Variants in ASF1A observed in about 807,000 individuals in gnomAD.
ASF1A encodes anti-silencing function 1A histone chaperone.
A neutral mutation model predicts 22.0 loss-of-function variants in ASF1A; 5 were observed. The ratio of observed to expected loss-of-function variants is 0.23; its 90% CI spans 0.12 to 0.48. The LOEUF (loss-of-function observed/expected upper bound fraction) is 0.48. Ranked by LOEUF, ASF1A falls within the 20% of genes least tolerant of loss-of-function variation. The pLI, the probability that ASF1A is intolerant of heterozygous loss-of-function variation, is 0.99. For synonymous variants in ASF1A, 97 were observed against 86.7 expected (o/e 1.12, Z -0.66); for missense variants, 137 against 240.6 (o/e 0.57, Z 2.85).
At chr6:118,904,918 A>C (rs1780069895) in intron 2 of ASF1A, among the ~76,000 whole-genome samples, 1 of 152,146 alleles carries the variant, frequency 6.6e-6, no homozygotes, top group Non-Finnish European at 1.5e-5. Context: ...GCTCACTGCA[A>C]CTTCCACCTC....
chr6:118,901,684 G>T (rs1779805965), intron 2 of ASF1A, among the ~76,000 whole-genome samples: 1 of 152,194 alleles, frequency 6.6e-6, no homozygotes, highest in South Asian at 2.1e-4. Context: ...TTATTTATAA[G>T]GGAGATGTTT....
At chr6:118,896,446 A>G (rs923695219) in intron 1 of ASF1A, among the ~76,000 whole-genome samples, 2 of 152,206 alleles carry the variant, frequency 1.3e-5, no homozygotes, top group African/African-American at 4.8e-5. Context: ...TAGATGACTC[A>G]GGATGTCGTT....
At chr6:118,895,113 G>A (rs536772240) in intron 1 of ASF1A, among the ~76,000 whole-genome samples, 29 of 152,248 alleles carry the variant, frequency 1.9e-4, no homozygotes, top group African/African-American at 7.0e-4. Flanking sequence ...CCGCTTCGGG[G>A]AGGAGAGCGA....
rs1305270393 is a variant in ASF1A, at chr6:118,908,271, C to T, written c.*657C>T. On this transcript the variant is annotated 3_prime_UTR_variant, in exon 4 of 4. Transcript: ENST00000229595. ...AGGTCCCCTGGCTATGGTTTTTGTT[C>T]TTATAACAGAGTTTAGAATATCAGA... 11 of 152,026 alleles carry T rather than the reference C, an allele frequency of 7.2e-5. No individual in the cohort carries two copies. The highest frequency in any genetic ancestry group is 2.7e-4 in the African/African-American group (11 of 41,424). 9.4% of individuals were successfully genotyped at this position (152,026 alleles called of 1,614,324 possible). A position where few individuals can be genotyped will look rare whatever the true frequency, so the allele number is the denominator to read the frequency against.
chr6:118,895,364 C>G (rs1436929243), intron 1 of ASF1A, among the ~76,000 whole-genome samples: 1 of 152,184 alleles, frequency 6.6e-6, no homozygotes, highest in African/African-American at 2.4e-5. Flanking sequence ...AGAAATAGAG[C>G]TGAGGTAGGA....
At chr6:118,897,237 C>T (rs1583585933) in intron 1 of ASF1A, among the ~76,000 whole-genome samples, 1 of 152,244 alleles carries the variant, frequency 6.6e-6, no homozygotes, top group Non-Finnish European at 1.5e-5. Context: ...TCATCAGTAG[C>T]CCCAAACGTT....
chr6:118,895,015 C>A (rs1363692619), intron 1 of ASF1A, among the ~76,000 whole-genome samples: 3 of 152,170 alleles, frequency 2.0e-5, no homozygotes, highest in Non-Finnish European at 4.4e-5. Flanking sequence ...TCTTGCCCCG[C>A]CGCCCGCCTG....
chr6:118,894,550 T>C, intron 1 of ASF1A, 28 bp downstream of exon 1: 2 of 1,510,266 alleles, frequency 1.3e-6, no homozygotes, highest in Non-Finnish European at 1.8e-6. Flanking sequence ...GCGCCCGGGC[T>C]GTCAGTTGCG....
intron 1 of ASF1A, among the ~76,000 whole-genome samples, chr6:118,899,881 A>C (rs1486232952): frequency 6.6e-6 from 1 of 152,204 alleles, no homozygotes; most frequent in African/African-American, 2.4e-5. Flanking sequence ...CAAAATACCC[A>C]AAGAAGATGA....
rs1467030538 is a variant in ASF1A, at chr6:118,908,617, A to C, written c.*1003A>C. On this transcript the variant is annotated 3_prime_UTR_variant, in exon 4 of 4. Coordinates refer to ENST00000229595, the MANE Select transcript of ASF1A (RefSeq NM_014034.3). ...TCTGACACTCATGCAGAATGAGATC[A>C]GGCATATTTGTGGTTGACATACTCT... is the stretch of plus-strand genomic sequence containing the variant. The C allele has an allele frequency of 6.6e-6, 1 of 152,178 alleles. No individual in the cohort carries two copies. The highest frequency in any genetic ancestry group is 1.5e-5 in the Non-Finnish European group (1 of 67,994). The allele number at this position is 152,178 out of a possible 1,614,324, so 9.4% of individuals were successfully genotyped here. A position where few individuals can be genotyped will look rare whatever the true frequency, so the allele number is the denominator to read the frequency against.
Position 118,900,476 on chromosome 6 carries a change from A to T in ASF1A, c.110-290A>T, listed in dbSNP as rs193111576. Among the ~76,000 whole-genome samples the T allele has an allele frequency of 1.7e-3, 256 of 152,360 alleles. 1 individual carries two copies. Among genetic ancestry groups the T allele is most frequent in the Middle Eastern group, 3.4e-3 (1 of 294 alleles). Reference sequence around the variant, plus strand: ...ACTTACTGTGCCAGCATGCTTTATGAATCCTCAAGACAAGGTTTACAGCAT... The same window carrying T: ...ACTTACTGTGCCAGCATGCTTTATGTATCCTCAAGACAAGGTTTACAGCAT... On this transcript the variant is annotated intron_variant, in intron 1 of 3. Coordinates refer to ENST00000229595, the MANE Select transcript of ASF1A (RefSeq NM_014034.3).
rs1780319515 is a variant in ASF1A at position 118,908,472 on chromosome 6, T to C, written c.*858T>C. The C allele has an allele frequency of 6.6e-6, 1 of 152,160 alleles. No individual in the cohort carries two copies. Among genetic ancestry groups the C allele is most frequent in the Admixed American group, 6.5e-5 (1 of 15,274 alleles). The allele number at this position is 152,160 out of a possible 1,614,324, so 9.4% of individuals were successfully genotyped here. On this transcript the variant is annotated 3_prime_UTR_variant, in exon 4 of 4. Transcript: ENST00000229595. ...AAATTCTTTTAATAGATCATGTTATTGGCAGTATTTATATAAAAACCATGG... is the reference window on the plus strand; with the variant it reads ...AAATTCTTTTAATAGATCATGTTATCGGCAGTATTTATATAAAAACCATGG...
intron 1 of ASF1A, among the ~76,000 whole-genome samples, chr6:118,897,613 T>C (rs1779516083): frequency 6.6e-6 from 1 of 152,150 alleles, no homozygotes; most frequent in South Asian, 2.1e-4. Context: ...CTAAAAATTC[T>C]CTTGATGACT....
At chr6:118,894,622 T>C (rs775613904) in intron 1 of ASF1A, 100 bp downstream of exon 1, 247 of 1,053,962 alleles carry the variant, frequency 2.3e-4, no homozygotes, top group Non-Finnish European at 3.2e-4. Flanking sequence ...GTTCGGCGCC[T>C]GGCGGCCGCG....
intron 1 of ASF1A, among the ~76,000 whole-genome samples, chr6:118,896,007 G>A (rs1779378582): frequency 1.3e-5 from 2 of 149,662 alleles, no homozygotes; most frequent in South Asian, 4.2e-4. Context: ...ATCTCCTTTC[G>A]GTAATCACAA....
chr6:118,897,997 T>C (rs1779551093), intron 1 of ASF1A, among the ~76,000 whole-genome samples: 1 of 152,234 alleles, frequency 6.6e-6, no homozygotes, highest in African/African-American at 2.4e-5. Context: ...TCCTCTGCTC[T>C]CACTTCCCCT....
chr6:118,895,297 G>A (rs1328635341), intron 1 of ASF1A, among the ~76,000 whole-genome samples: 1 of 152,098 alleles, frequency 6.6e-6, no homozygotes, highest in Non-Finnish European at 1.5e-5. Flanking sequence ...TGGCGCGCAG[G>A]CTCCCCAACC....
Position 118,894,361 on chromosome 6 carries a change from T to G in ASF1A, c.-53T>G. The G allele has an allele frequency of 6.5e-7, 1 of 1,535,298 alleles. No individual in the cohort carries two copies. The highest frequency in any genetic ancestry group is 8.7e-7 in the Non-Finnish European group (1 of 1,145,610). ...TCTCCCGAGCGGCCGCGCGCTGGAC[T>G]TTATTGTGCCGCAACCAGCCCCAGT... On this transcript the variant is annotated 5_prime_UTR_variant, in exon 1 of 4. Coordinates refer to ENST00000229595, the MANE Select transcript of ASF1A (RefSeq NM_014034.3).
chr6:118,897,726 A>C (rs1373713972), intron 1 of ASF1A, among the ~76,000 whole-genome samples: 1 of 152,128 alleles, frequency 6.6e-6, no homozygotes, highest in Non-Finnish European at 1.5e-5. Flanking sequence ...ACTTTAAAAT[A>C]AATGAACAAA....
Sources: allele counts gnomAD v4.1 joint callset (sites outside exome capture counted in the v4.1 genomes callset), GRCh38; gene constraint gnomAD v4.1.1; transcripts MANE v1.5; gene names NCBI Gene and HGNC (gene_info 2026-07-23, HGNC 2026-07-21).